The following SPG21 variants were observed in gnomAD, a reference collection of about 807,000 sequenced individuals.
SPG21 encodes SPG21 abhydrolase domain containing, maspardin.
SPG21 carries 26 observed loss-of-function variants against 38.9 expected under a neutral mutation model. The ratio of observed to expected loss-of-function variants is 0.67; its 90% CI spans 0.49 to 0.93. The LOEUF (loss-of-function observed/expected upper bound fraction) is 0.93, where lower values mean the gene tolerates loss of function less well. SPG21 is among the 40% of genes least tolerant of loss of function. SPG21 has a pLI of 0.00. For missense variants in SPG21, 333 were observed against 376.5 expected (o/e 0.88, Z 0.96); for synonymous variants, 136 against 128.9 (o/e 1.05, Z -0.37).
intron 3 of SPG21, among the ~76,000 whole-genome samples, chr15:64,979,951 A>T (rs1450729127): frequency 1.3e-5 from 2 of 152,096 alleles, no homozygotes; most frequent in African/African-American, 4.8e-5. Flanking sequence ...CTGGATTTAG[A>T]CCAAACTCAG....
At chr15:64,982,373 T>C (rs1040454776) in intron 2 of SPG21, among the ~76,000 whole-genome samples, 1 of 152,310 alleles carries the variant, frequency 6.6e-6, no homozygotes. Flanking sequence ...CTCAAATTCC[T>C]AGGCTCAAGC....
At chr15:64,977,005 A>G (rs2085789849) in intron 3 of SPG21, among the ~76,000 whole-genome samples, 1 of 152,238 alleles carries the variant, frequency 6.6e-6, no homozygotes, top group South Asian at 2.1e-4. Flanking sequence ...GAGGGTATTC[A>G]GTAAAATTGT....
chr15:64,987,590 G>T (rs938134837), intron 1 of SPG21: 1 of 152,362 alleles, frequency 6.6e-6, no homozygotes, highest in East Asian at 1.9e-4. Context: ...TATCTCTCAT[G>T]ATTTTGTTCT....
At chr15:64,971,062 T>TA (rs2085650330) in intron 5 of SPG21, among the ~76,000 whole-genome samples, 2 of 151,244 alleles carry the variant, frequency 1.3e-5, no homozygotes, top group Non-Finnish European at 3.0e-5. Flanking sequence ...ATTAAAAAAT[T>TA]TAAAAAAAAA....
At chr15:64,985,954 T>A (rs1194453268) in intron 1 of SPG21, among the ~76,000 whole-genome samples, 1 of 152,222 alleles carries the variant, frequency 6.6e-6, no homozygotes. Context: ...TGTGTTAAAA[T>A]CATAAGTTGC....
intron 2 of SPG21, chr15:64,983,030 G>C: frequency 5.7e-6 from 1 of 175,496 alleles, no homozygotes; most frequent in Non-Finnish European, 1.3e-5. Flanking sequence ...GGCCAAGGTG[G>C]GCGGATCACT....
rs921026570 is a variant in SPG21 at position 64,980,973 on chromosome 15, G to A, written c.116C>T (p.Pro39Leu). 1 of 1,613,978 alleles carries A rather than the reference G, an allele frequency of 6.2e-7. No homozygotes were observed. Among genetic ancestry groups the A allele is most frequent in the African/African-American group, 1.3e-5 (1 of 74,868 alleles). Reference sequence around the variant, plus strand: ...TATGAGAGGACACCTGATACTTCGGGGGCCCGCGTCATAGAGCGACCATAT... The same window carrying A: ...TATGAGAGGACACCTGATACTTCGGAGGCCCGCGTCATAGAGCGACCATAT... ...SKIWSLYDAGPRSIRCPLIFL... is the reference protein window; with the variant it reads ...SKIWSLYDAGLRSIRCPLIFL... The change falls in exon 3 of 9, where the codon CCC becomes CTC. Residue 39 changes from proline (P) to leucine (L), a missense_variant. Coordinates refer to ENST00000204566, the MANE Select transcript of SPG21 (RefSeq NM_016630.7).
At chr15:64,980,769 AAACT>A in intron 3 of SPG21, 91 bp downstream of exon 3, 2 of 1,298,332 alleles carry the variant, frequency 1.5e-6, no homozygotes, top group African/African-American at 1.5e-5. Flanking sequence ...ACAAACAAAC[AAACT>A]GTGCCCATTA....
intron 8 of SPG21, among the ~76,000 whole-genome samples, chr15:64,964,625 C>CTTTCT (rs375675954): frequency 6.7e-6 from 1 of 149,510 alleles, no homozygotes; most frequent in Non-Finnish European, 1.5e-5. Flanking sequence ...TTTGTTAGGG[C>CTTTCT]TTTCTTTTCT....
intron 3 of SPG21, among the ~76,000 whole-genome samples, chr15:64,978,989 C>A (rs2085835853): frequency 6.6e-6 from 1 of 152,036 alleles, no homozygotes; most frequent in Non-Finnish European, 1.5e-5. Context: ...ATTACAACAA[C>A]AAAAAAATTT....
intron 2 of SPG21, chr15:64,981,290 T>G: frequency 1.5e-5 from 1 of 66,142 alleles, no homozygotes; most frequent in Non-Finnish European, 4.1e-5. Context: ...CCCCTCCTCC[T>G]TTTTTTTTTT....
chr15:64,963,910 C>T (rs990262820), intron 8 of SPG21, among the ~76,000 whole-genome samples, 174 bp from the exon 9 acceptor site: 5 of 152,104 alleles, frequency 3.3e-5, no homozygotes, highest in Admixed American at 6.6e-5. Flanking sequence ...GTGCCCGCCA[C>T]CATGCCCAGC....
intron 6 of SPG21, among the ~76,000 whole-genome samples, chr15:64,969,687 G>GTTTT (rs74643667): frequency 7.7e-4 from 97 of 126,568 alleles, no homozygotes; most frequent in African/African-American, 2.4e-3. Context: ...ATATGTTTTT[G>GTTTT]TTTTTTTTTT....
intron 2 of SPG21, among the ~76,000 whole-genome samples, chr15:64,982,754 C>G (rs2085907649): frequency 6.6e-6 from 1 of 152,120 alleles, no homozygotes; most frequent in Non-Finnish European, 1.5e-5. Flanking sequence ...TTTCAAACAT[C>G]CCAGGAAAAT....
chr15:64,979,284 G>A (rs994117393), intron 3 of SPG21, among the ~76,000 whole-genome samples: 1 of 152,176 alleles, frequency 6.6e-6, no homozygotes, highest in Admixed American at 6.5e-5. Flanking sequence ...AGTGGGACGG[G>A]CGCCTATGGG....
intron 1 of SPG21, among the ~76,000 whole-genome samples, chr15:64,986,121 ATT>A (rs1469277539): frequency 6.6e-6 from 1 of 152,108 alleles, no homozygotes; most frequent in African/African-American, 2.4e-5. Context: ...TAATCCCAGC[ATT>A]TTGGGAGGCT....
At chr15:64,969,666 A>G (rs982088970) in intron 6 of SPG21, among the ~76,000 whole-genome samples, 10 of 150,140 alleles carry the variant, frequency 6.7e-5, no homozygotes, top group Non-Finnish European at 1.3e-4. Flanking sequence ...TACTGCTCAA[A>G]GGTGACAGAT....
chr15:64,986,080 T>A (rs549252389), intron 1 of SPG21, among the ~76,000 whole-genome samples: 1 of 152,256 alleles, frequency 6.6e-6, no homozygotes, highest in Non-Finnish European at 1.5e-5. Flanking sequence ...AATATTAATA[T>A]GTTAAGGCCA....
intron 1 of SPG21, among the ~76,000 whole-genome samples, chr15:64,985,564 AG>A (rs1348229405): frequency 1.3e-5 from 2 of 152,354 alleles, no homozygotes; most frequent in East Asian, 3.9e-4. Context: ...AAATTCCACC[AG>A]GAAGGATTCA....
Sources: allele counts gnomAD v4.1 joint callset (sites outside exome capture counted in the v4.1 genomes callset), GRCh38; gene constraint gnomAD v4.1.1; transcripts MANE v1.5; gene names NCBI Gene and HGNC (gene_info 2026-07-23, HGNC 2026-07-21).